Variants in GRID2 observed in about 807,000 individuals in gnomAD.
The protein encoded by GRID2 is glutamate receptor ionotropic, delta-2.
In GRID2, 33 loss-of-function variants were observed where a neutral mutation model predicts 114.8. That is an observed-to-expected ratio of 0.29 (90% CI 0.22 to 0.38). GRID2 has a LOEUF of 0.38. GRID2 is among the 10% of genes least tolerant of loss of function. GRID2 has a pLI of 1.00. For missense variants in GRID2, 1,184 were observed against 1,257.7 expected (o/e 0.94, Z 0.89); for synonymous variants, 505 against 449.9 (o/e 1.12, Z -1.55).
intron 2 of GRID2, among the ~76,000 whole-genome samples, chr4:93,038,910 C>T (rs1016538406): frequency 1.6e-4 from 25 of 151,952 alleles, no homozygotes; most frequent in African/African-American, 4.8e-4. Flanking sequence ...GACAGTGTGG[C>T]GATTCCTCAA....
intron 2 of GRID2, among the ~76,000 whole-genome samples, chr4:92,947,628 A>C (rs1170624248): frequency 6.6e-6 from 1 of 151,856 alleles, no homozygotes; most frequent in Non-Finnish European, 1.5e-5. Flanking sequence ...ACTTCCTGAA[A>C]GTTTGAATTA....
At chr4:93,553,605 T>C (rs1733998954) in intron 13 of GRID2, among the ~76,000 whole-genome samples, 1 of 152,210 alleles carries the variant, frequency 6.6e-6, no homozygotes, top group Non-Finnish European at 1.5e-5. Flanking sequence ...CCTGCAGGCT[T>C]GCATGAGTTC....
At chr4:92,657,004 C>T (rs971393852) in intron 2 of GRID2, among the ~76,000 whole-genome samples, 4 of 151,468 alleles carry the variant, frequency 2.6e-5, no homozygotes, top group Non-Finnish European at 5.9e-5. Flanking sequence ...GGTTTGTCAG[C>T]TTACAGTATG....
intron 2 of GRID2, among the ~76,000 whole-genome samples, chr4:92,910,408 C>T (rs1266481401): frequency 6.6e-6 from 1 of 152,012 alleles, no homozygotes; most frequent in Non-Finnish European, 1.5e-5. Context: ...TTAGAACCTC[C>T]AGATTTCCCA....
chr4:92,547,079 A>G (rs970417654), intron 1 of GRID2, among the ~76,000 whole-genome samples: 1 of 152,156 alleles, frequency 6.6e-6, no homozygotes, highest in African/African-American at 2.4e-5. Flanking sequence ...CAAAAATAGG[A>G]GGGTTTCTGT....
chr4:92,304,875 C>A, intron 1 of GRID2, 131 bp downstream of exon 1: 1 of 703,316 alleles, frequency 1.4e-6, no homozygotes, highest in Non-Finnish European at 2.5e-6. Flanking sequence ...CCCCTTCCCG[C>A]TACCCTTCCC....
intron 2 of GRID2, among the ~76,000 whole-genome samples, chr4:92,671,617 A>T (rs565671678): frequency 2.6e-5 from 4 of 152,236 alleles, no homozygotes; most frequent in East Asian, 3.9e-4. Flanking sequence ...TATAAGAAAT[A>T]AGGAATAGAT....
At chr4:93,294,338 A>G (rs1754064005) in intron 8 of GRID2, among the ~76,000 whole-genome samples, 1 of 152,160 alleles carries the variant, frequency 6.6e-6, no homozygotes, top group South Asian at 2.1e-4. Context: ...ACTCTAAATC[A>G]AGAAGCTTCC....
chr4:92,355,376 G>A (rs1418933244), intron 1 of GRID2, among the ~76,000 whole-genome samples: 1 of 151,728 alleles, frequency 6.6e-6, no homozygotes, highest in Non-Finnish European at 1.5e-5. Context: ...TAGTAAGCTA[G>A]AGTTATATTG....
chr4:92,365,400 G>T (rs575657689), intron 1 of GRID2, among the ~76,000 whole-genome samples: 1 of 152,090 alleles, frequency 6.6e-6, no homozygotes, highest in South Asian at 2.1e-4. Context: ...AATACCATAT[G>T]ATCTCATTTA....
At chr4:92,767,865 C>A (rs577543305) in intron 2 of GRID2, among the ~76,000 whole-genome samples, 1 of 151,330 alleles carries the variant, frequency 6.6e-6, no homozygotes, top group South Asian at 2.1e-4. Flanking sequence ...AAGATTGTGC[C>A]TGTGAATAGC....
chr4:92,917,423 G>C (rs552390109), intron 2 of GRID2, among the ~76,000 whole-genome samples: 1 of 152,288 alleles, frequency 6.6e-6, no homozygotes, highest in East Asian at 1.9e-4. Flanking sequence ...TTCTAGACAT[G>C]AAGTCCTTGC....
chr4:93,057,840 T>A (rs532802190), intron 2 of GRID2, among the ~76,000 whole-genome samples: 4 of 152,064 alleles, frequency 2.6e-5, no homozygotes, highest in Non-Finnish European at 5.9e-5. Flanking sequence ...TGAGCTCAGG[T>A]AGGATTGCTA....
chr4:93,143,111 C>G (rs888625805), intron 4 of GRID2, among the ~76,000 whole-genome samples: 2 of 152,244 alleles, frequency 1.3e-5, no homozygotes, highest in Admixed American at 1.3e-4. Context: ...GCAAATCTGC[C>G]TTTTGCTGTA....
chr4:92,959,693 A>G (rs1265027918), intron 2 of GRID2, among the ~76,000 whole-genome samples: 3 of 152,142 alleles, frequency 2.0e-5, no homozygotes, highest in African/African-American at 7.2e-5. Context: ...GGATTAGTCC[A>G]TGTCCTTTGC....
intron 9 of GRID2, among the ~76,000 whole-genome samples, chr4:93,410,859 A>G (rs1767057262): frequency 6.6e-6 from 1 of 152,246 alleles, no homozygotes; most frequent in East Asian, 1.9e-4. Flanking sequence ...CTGGGATAAC[A>G]GGCGTGAGCC....
intron 1 of GRID2, among the ~76,000 whole-genome samples, chr4:92,445,991 C>G (rs1389630410): frequency 6.6e-6 from 1 of 152,176 alleles, no homozygotes; most frequent in Non-Finnish European, 1.5e-5. Flanking sequence ...GTAGCCCAGG[C>G]TGGAGTGCAG....
At chr4:93,357,306 T>C (rs1434509341) in intron 8 of GRID2, among the ~76,000 whole-genome samples, 3 of 151,544 alleles carry the variant, frequency 2.0e-5, no homozygotes, top group African/African-American at 7.2e-5. Context: ...AATTATTTAT[T>C]TCATTATTTA....
At chr4:93,761,520 G>A (rs1309248405) in intron 14 of GRID2, among the ~76,000 whole-genome samples, 4 of 152,100 alleles carry the variant, frequency 2.6e-5, no homozygotes, top group South Asian at 2.1e-4. Context: ...CACCATATGG[G>A]CCACAAAGTC....
Sources: gnomAD v4.1 joint callset for allele counts (sites outside exome capture counted in the v4.1 genomes callset) on GRCh38, gnomAD v4.1.1 for gene constraint, MANE v1.5 for transcripts, NCBI Gene and HGNC (gene_info 2026-07-23, HGNC 2026-07-21) for gene names.